FANCC: variants seen among roughly 807,000 people sequenced by gnomAD.
FANCC encodes FA complementation group C.
Under a neutral mutation model 71.3 loss-of-function variants are expected in FANCC, and 55 were observed. The observed-to-expected ratio is 0.77, with a 90% CI of 0.62 to 0.97. FANCC has a LOEUF of 0.97. Ranked by LOEUF, FANCC falls within the 50% of genes least tolerant of loss-of-function variation. The pLI, the probability that FANCC is intolerant of heterozygous loss-of-function variation, is 0.00. For synonymous variants in FANCC, 275 were observed against 244.9 expected, an observed-to-expected ratio of 1.12 and a Z score of -1.15; for missense variants, 678 against 670.9, an observed-to-expected ratio of 1.01 and a Z score of -0.12.
At chr9:95,117,178 G>A in intron 11 of FANCC, 137 bp downstream of exon 11, 1 of 779,614 alleles carries the variant, frequency 1.3e-6, no homozygotes. Flanking sequence ...TGGGATCCTG[G>A]GGGCTTAAAG....
chr9:95,205,393 A>C (rs1162660231), intron 4 of FANCC, among the ~76,000 whole-genome samples: 2 of 152,154 alleles, frequency 1.3e-5, no homozygotes, highest in African/African-American at 4.8e-5. Flanking sequence ...AAAAAACTTG[A>C]CAACTGTCTT....
At chr9:95,183,829 T>A (rs1006244386) in intron 4 of FANCC, among the ~76,000 whole-genome samples, 3 of 152,236 alleles carry the variant, frequency 2.0e-5, no homozygotes, top group Non-Finnish European at 4.4e-5. Flanking sequence ...CAGCTGTATT[T>A]AAATAGAAGT....
chr9:95,195,215 A>AC (rs1827369838), intron 4 of FANCC, among the ~76,000 whole-genome samples: 1 of 148,136 alleles, frequency 6.8e-6, no homozygotes, highest in African/African-American at 2.5e-5. Flanking sequence ...AAAAAAAAAA[A>AC]AAAAAACCAA....
rs114574553 is a variant in FANCC at position 95,253,044 on chromosome 9, G to A, written c.-78-3675C>T. Among the ~76,000 whole-genome samples the A allele has an allele frequency of 3.6e-3, 550 of 152,158 alleles. 5 individuals carry two copies. Among genetic ancestry groups the A allele is most frequent in the African/African-American group, 0.012 (517 of 41,526 alleles). ...CTGCACTCCACACTCCAGCCTGTGT[G>A]AGACAGCCAGACTGTCTAAAAAAGA... On this transcript the variant is annotated intron_variant, in intron 1 of 14. Coordinates refer to ENST00000289081, the MANE Select transcript of FANCC (RefSeq NM_000136.3).
chr9:95,234,261 A>G (rs1012352711), intron 4 of FANCC, among the ~76,000 whole-genome samples: 2 of 152,256 alleles, frequency 1.3e-5, no homozygotes, highest in African/African-American at 4.8e-5. Context: ...AAATTTGTAC[A>G]ACTTTTAATT....
chr9:95,211,466 A>C (rs1828494410), intron 4 of FANCC, among the ~76,000 whole-genome samples: 1 of 152,196 alleles, frequency 6.6e-6, no homozygotes, highest in Non-Finnish European at 1.5e-5. Context: ...GGCCTTGGTA[A>C]AATTAATTAT....
chr9:95,223,625 G>A (rs1368248561), intron 4 of FANCC, among the ~76,000 whole-genome samples: 4 of 152,062 alleles, frequency 2.6e-5, no homozygotes, highest in South Asian at 4.1e-4. Context: ...TCAAAAAGTC[G>A]AAAAATATAA....
chr9:95,144,316 C>G (rs1295241950), intron 7 of FANCC, among the ~76,000 whole-genome samples: 5 of 152,316 alleles, frequency 3.3e-5, no homozygotes, highest in African/African-American at 1.2e-4. Context: ...GAAGACCACC[C>G]AGCACTTCTG....
At chr9:95,207,912 T>G (rs1007291134) in intron 4 of FANCC, among the ~76,000 whole-genome samples, 2 of 152,080 alleles carry the variant, frequency 1.3e-5, no homozygotes, top group Non-Finnish European at 2.9e-5. Context: ...TTTTAAAATT[T>G]TAATAATACA....
intron 2 of FANCC, 51 bp downstream of exon 2, chr9:95,249,076 T>C (rs1831167127): frequency 6.3e-7 from 1 of 1,592,916 alleles, no homozygotes; most frequent in Non-Finnish European, 8.6e-7. Context: ...TGAAATCTGG[T>C]AGAGTCCCTG....
rs557969333 is a variant in FANCC, at chr9:95,253,762, T to C, written c.-78-4393A>G. Among the ~76,000 whole-genome samples the C allele has an allele frequency of 6.6e-5, 10 of 151,228 alleles. No individual in the cohort carries two copies. The South Asian group carries it at 2.1e-3, about 32-fold the overall frequency. On this transcript the variant is annotated intron_variant, in intron 1 of 14. Coordinates refer to ENST00000289081, the MANE Select transcript of FANCC (RefSeq NM_000136.3). ...GAGATTCTGGTGCACCCATCTCCCA[T>C]TGCAGAAGACAATTTTTTCATGGAC... is the stretch of plus-strand genomic sequence containing the variant.
intron 1 of FANCC, chr9:95,293,246 C>T (rs1564835029): frequency 2.6e-5 from 42 of 1,613,286 alleles, no homozygotes; most frequent in Non-Finnish European, 3.2e-5. Flanking sequence ...AGTGGCTTTG[C>T]TTAAACTACC....
In FANCC at chr9:95,293,992, C is replaced by A. The variant is rs1011573148; in HGVS notation, c.-79+23534G>T. On this transcript the variant is annotated intron_variant, in intron 1 of 14. Transcript: ENST00000289081. ...TCATAGTTTGTTACCTCAGAATGAG[C>A]CTAAGACTTTAAATCAAGAGATTGA... 35 of 1,590,710 alleles carry A rather than the reference C, an allele frequency of 2.2e-5. No individual in the cohort carries two copies. The Admixed American group carries it at 5.7e-4, about 26-fold the overall frequency.
intron 1 of FANCC, among the ~76,000 whole-genome samples, chr9:95,282,044 TTACC>T (rs1439813778): frequency 6.6e-6 from 1 of 151,442 alleles, no homozygotes; most frequent in Non-Finnish European, 1.5e-5. Context: ...TAGTAAATCC[TTACC>T]TACCAATAAT....
At chr9:95,152,790 C>T (rs946136181) in intron 6 of FANCC, among the ~76,000 whole-genome samples, 1 of 151,432 alleles carries the variant, frequency 6.6e-6, no homozygotes, top group Non-Finnish European at 1.5e-5. Flanking sequence ...CCATCCCACT[C>T]TCCTCCCCCT....
chr9:95,108,673 A>G (rs2071655005), intron 13 of FANCC, among the ~76,000 whole-genome samples: 1 of 152,236 alleles, frequency 6.6e-6, no homozygotes, highest in Non-Finnish European at 1.5e-5. Flanking sequence ...AAAGACATAT[A>G]TGCTTACTAT....
At chr9:95,221,555 T>A (rs529055024) in intron 4 of FANCC, among the ~76,000 whole-genome samples, 31 of 152,236 alleles carry the variant, frequency 2.0e-4, no homozygotes, top group African/African-American at 7.2e-4. Context: ...TTAAAACATA[T>A]GCACTTTTGA....
chr9:95,200,288 C>T (rs551100857), intron 4 of FANCC, among the ~76,000 whole-genome samples: 34 of 152,318 alleles, frequency 2.2e-4, no homozygotes, highest in Non-Finnish European at 4.9e-4. Flanking sequence ...CTCAACTCAC[C>T]TATCTAATGA....
chr9:95,233,856 T>C (rs1217170695), intron 4 of FANCC, among the ~76,000 whole-genome samples: 1 of 152,210 alleles, frequency 6.6e-6, no homozygotes, highest in East Asian at 1.9e-4. Context: ...ACTACGACCT[T>C]AGCCAGTCTA....
Sources: allele counts gnomAD v4.1 joint callset (sites outside exome capture counted in the v4.1 genomes callset), GRCh38; gene constraint gnomAD v4.1.1; transcripts MANE v1.5; gene names NCBI Gene and HGNC (gene_info 2026-07-23, HGNC 2026-07-21).